PCDHGA6: variants seen among roughly 807,000 people sequenced by gnomAD.
The protein encoded by PCDHGA6 is protocadherin gamma-A6.
PCDHGA6 carries 41 observed loss-of-function variants against 60.6 expected under a neutral mutation model. The observed-to-expected ratio is 0.68, with a 90% CI of 0.53 to 0.88. PCDHGA6 has a LOEUF of 0.88. PCDHGA6 is among the 40% of genes least tolerant of loss of function. PCDHGA6 has a pLI of 0.00. For synonymous variants in PCDHGA6, 594 were observed against 524.4 expected, an observed-to-expected ratio of 1.13 and a Z score of -1.81; for missense variants, 1,312 against 1,203.0, an observed-to-expected ratio of 1.09 and a Z score of -1.34.
chr5:141,492,257 A>G (rs955890030), intron 1 of PCDHGA6, among the ~76,000 whole-genome samples: 1 of 152,126 alleles, frequency 6.6e-6, no homozygotes, highest in Non-Finnish European at 1.5e-5. Flanking sequence ...GGCCCACACA[A>G]GTTGCACGGG....
intron 1 of PCDHGA6, chr5:141,415,756 T>G (rs756759295): frequency 1.5e-4 from 214 of 1,386,812 alleles, no homozygotes; most frequent in African/African-American, 5.9e-4. Flanking sequence ...TTTTTTTTTT[T>G]TTTTTTTTTT....
At chr5:141,449,588 CA>C (rs768743917) in intron 1 of PCDHGA6, among the ~76,000 whole-genome samples, 1,277 of 57,494 alleles carry the variant, frequency 0.022, 7 homozygotes, top group Middle Eastern at 0.041. Flanking sequence ...GACTCTGTCT[CA>C]AAAAAAAAAA....
At chr5:141,394,885 T>C (rs769027830) in intron 1 of PCDHGA6, 1 of 1,613,758 alleles carries the variant, frequency 6.2e-7, no homozygotes. Context: ...AGCCTTACAC[T>C]CTATCTCGTG....
chr5:141,484,699 T>A (rs899065665), intron 1 of PCDHGA6, among the ~76,000 whole-genome samples: 4 of 151,966 alleles, frequency 2.6e-5, no homozygotes, highest in African/African-American at 9.7e-5. Flanking sequence ...GCTGTGGCTG[T>A]TTTCCCCGCC....
intron 1 of PCDHGA6, chr5:141,423,606 GAT>G: frequency 6.2e-7 from 1 of 1,612,164 alleles, no homozygotes; most frequent in African/African-American, 1.3e-5. Flanking sequence ...AGCCACTCTT[GAT>G]AGCTGAAGAC....
rs974732178 is a variant in PCDHGA6 at position 141,374,708 on chromosome 5, C to A, written c.625C>A (p.Arg209Ser). The change falls in exon 1 of 4, where the codon CGC becomes AGC. Residue 209 changes from arginine (R) to serine (S), a missense_variant. Coordinates refer to ENST00000517434, the MANE Select transcript of PCDHGA6 (RefSeq NM_018919.3). ...GGACCGGGAAGGAGAAGCCGTTTACCGCCTGGTCCTTACTGCCATGGATGG... is the reference window on the plus strand; with the variant it reads ...GGACCGGGAAGGAGAAGCCGTTTACAGCCTGGTCCTTACTGCCATGGATGG... The part of the protein sequence containing the change: ...TLDREGEAVY[R>S]LVLTAMDGGD... 1.8e-5 allele frequency: 29 copies of A among 1,609,028 alleles called. No individual in the cohort carries two copies. In the Admixed American group the frequency reaches 3.1e-4, roughly 17 times the overall value.
intron 1 of PCDHGA6, chr5:141,442,107 C>A: frequency 6.0e-6 from 1 of 166,198 alleles, no homozygotes; most frequent in Non-Finnish European, 1.3e-5. Flanking sequence ...CCACCACTAC[C>A]GCCCCTCGTC....
intron 1 of PCDHGA6, chr5:141,478,553 T>G (rs1593930915): frequency 6.2e-7 from 1 of 1,602,704 alleles, no homozygotes; most frequent in Non-Finnish European, 8.5e-7. Context: ...ACAGGTAAGG[T>G]TTAGCAAGTC....
intron 1 of PCDHGA6, chr5:141,409,668 A>G: frequency 6.2e-7 from 1 of 1,613,398 alleles, no homozygotes; most frequent in Non-Finnish European, 8.5e-7. Context: ...CACATCTCCT[A>G]CTCTATAGTG....
At chr5:141,475,218 A>G (rs2154572291) in intron 1 of PCDHGA6, among the ~76,000 whole-genome samples, 1 of 152,326 alleles carries the variant, frequency 6.6e-6, no homozygotes, top group African/African-American at 2.4e-5. Flanking sequence ...GGATTGATCA[A>G]GTAAAGGGAA....
chr5:141,405,575 G>T, intron 1 of PCDHGA6: 2 of 598,040 alleles, frequency 3.3e-6, no homozygotes, highest in Non-Finnish European at 5.9e-6. Flanking sequence ...GAGTAGAGTA[G>T]CTGGGACTAC....
intron 1 of PCDHGA6, among the ~76,000 whole-genome samples, chr5:141,482,488 G>C (rs1401943298): frequency 7.7e-6 from 1 of 130,410 alleles, no homozygotes; most frequent in African/African-American, 3.1e-5. Context: ...ACAATTAAAA[G>C]TTATCATTCT....
intron 1 of PCDHGA6, chr5:141,419,325 A>G (rs1490162008): frequency 6.2e-7 from 1 of 1,613,586 alleles, no homozygotes; most frequent in Non-Finnish European, 8.5e-7. Flanking sequence ...CGTGTCTCCT[A>G]CTCTCTCATT....
intron 1 of PCDHGA6, chr5:141,400,677 ATTGTGAGTT>A (rs1177028391): frequency 1.1e-6 from 1 of 900,130 alleles, no homozygotes; most frequent in African/African-American, 1.7e-5. Flanking sequence ...GGAGCAGTAA[ATTGTGAGTT>A]TTTATGTCGC....
At chr5:141,410,351 C>G in intron 1 of PCDHGA6, 1 of 1,614,066 alleles carries the variant, frequency 6.2e-7, no homozygotes. Flanking sequence ...GCGCCTGCGA[C>G]GCTCTCTCAG....
rs753001081 is a variant in PCDHGA6 at position 141,376,144 on chromosome 5, G to T, written c.2061G>T (p.Ser687=). 1 of 1,613,918 alleles carries T rather than the reference G, an allele frequency of 6.2e-7. No homozygotes were observed. The highest frequency in any genetic ancestry group is 8.5e-7 in the Non-Finnish European group (1 of 1,179,978). ...AGCCCTCCGCCAAACCCAACGATTC[G>T]GACCTCACTCTGTACCTGGTGGTGG... ...SLEPSAKPND[S]DLTLYLVVAV... is the part of the protein sequence containing the mutation. Residue 687 remains serine (S), a synonymous_variant, in exon 1 of 4, where the codon TCG becomes TCT. Coordinates refer to ENST00000517434, the MANE Select transcript of PCDHGA6 (RefSeq NM_018919.3).
chr5:141,466,197 G>A (rs2099118639), intron 1 of PCDHGA6, among the ~76,000 whole-genome samples: 1 of 151,666 alleles, frequency 6.6e-6, no homozygotes, highest in South Asian at 2.1e-4. Flanking sequence ...TTCAGACACA[G>A]CCTTGCTCTG....
intron 1 of PCDHGA6, chr5:141,398,938 G>A: frequency 6.2e-7 from 1 of 1,613,958 alleles, no homozygotes; most frequent in African/African-American, 1.3e-5. Context: ...TGACCAAGAC[G>A]AGGGCATCAA....
At chr5:141,376,589 C>T (rs774042696) in intron 1 of PCDHGA6, 82 bp downstream of exon 1, 3 of 1,568,090 alleles carry the variant, frequency 1.9e-6, no homozygotes, top group Non-Finnish European at 2.6e-6. Context: ...TCAGCTAGAT[C>T]GGCTGTTATA....
Sources: allele counts gnomAD v4.1 joint callset (sites outside exome capture counted in the v4.1 genomes callset), GRCh38; gene constraint gnomAD v4.1.1; transcripts MANE v1.5; gene names NCBI Gene and HGNC (gene_info 2026-07-23, HGNC 2026-07-21).